Variants in GRAMD1C observed in about 807,000 individuals in gnomAD.
GRAMD1C encodes the protein protein Aster-C.
In GRAMD1C, 89 loss-of-function variants were observed where a neutral mutation model predicts 97.8. The ratio of observed to expected loss-of-function variants is 0.91; its 90% CI spans 0.77 to 1.09. GRAMD1C has a LOEUF of 1.09. GRAMD1C is among the 50% of genes least tolerant of loss of function. The probability of loss-of-function intolerance (pLI) is 0.00; values close to 1 mark genes in which losing one functional copy is unlikely to be tolerated. For synonymous variants in GRAMD1C, 256 were observed against 267.0 expected, an observed-to-expected ratio of 0.96 and a Z score of 0.40; for missense variants, 740 against 766.4, an observed-to-expected ratio of 0.97 and a Z score of 0.41.
At chr3:113,833,884 G>T (rs1030980512), upstream of GRAMD1C, among the ~76,000 whole-genome samples, 2 of 152,058 alleles carry the variant, frequency 1.3e-5, no homozygotes, top group Admixed American at 1.3e-4. Context: ...TCCCCACTCT[G>T]CCATTTTCGT....
At chr3:113,903,781 A>G (rs1007954212) in intron 7 of GRAMD1C, among the ~76,000 whole-genome samples, 2 of 151,712 alleles carry the variant, frequency 1.3e-5, no homozygotes, top group African/African-American at 4.8e-5. Flanking sequence ...GCGATCTAGT[A>G]TCTAACTCAA....
chr3:113,898,145 C>T (rs999867539), intron 6 of GRAMD1C, among the ~76,000 whole-genome samples: 1 of 152,024 alleles, frequency 6.6e-6, no homozygotes, highest in Non-Finnish European at 1.5e-5. Flanking sequence ...GTATTTAATA[C>T]AATATTCAAA....
chr3:113,861,935 A>C (rs139543989), intron 2 of GRAMD1C, among the ~76,000 whole-genome samples: 1 of 152,170 alleles, frequency 6.6e-6, no homozygotes, highest in Non-Finnish European at 1.5e-5. Context: ...ATCACATGTC[A>C]GCAGGTTCTG....
At chr3:113,873,665 C>T (rs891605330) in intron 3 of GRAMD1C, among the ~76,000 whole-genome samples, 1 of 152,014 alleles carries the variant, frequency 6.6e-6, no homozygotes, top group Non-Finnish European at 1.5e-5. Flanking sequence ...ATTACAGGTG[C>T]CCGCCACCAT....
chr3:113,841,754 A>G (rs1340747111), intron 1 of GRAMD1C, among the ~76,000 whole-genome samples: 1 of 152,022 alleles, frequency 6.6e-6, no homozygotes, highest in African/African-American at 2.4e-5. Flanking sequence ...CTGAAGCACA[A>G]TGGTGCAATC....
intron 6 of GRAMD1C, among the ~76,000 whole-genome samples, chr3:113,889,209 CGT>C (rs1935624943): frequency 7.3e-6 from 1 of 136,964 alleles, no homozygotes. Context: ...TAAAAAAAAA[CGT>C]ATATCCACAC....
At chr3:113,901,170 T>C (rs1936156428) in intron 7 of GRAMD1C, 24 bp downstream of exon 7, 7 of 1,084,834 alleles carry the variant, frequency 6.5e-6, no homozygotes, top group Non-Finnish European at 9.9e-6. Flanking sequence ...TTTTGAAATG[T>C]CAAAATTTAT....
rs138762269 is a variant in GRAMD1C, at chr3:113,910,994, A to G, written c.952+1874A>G. On this transcript the variant is annotated intron_variant, in intron 9 of 17. Coordinates refer to ENST00000358160, the MANE Select transcript of GRAMD1C (RefSeq NM_017577.5). ...CTTAAGCAACAGAAATTTATTTCAT[A>G]TAATTCTGGAGGATAGAAACCCCAG... 1.1e-3 allele frequency among the ~76,000 whole-genome samples: 164 copies of G among 152,326 alleles called. 1 individual carries two copies. The highest frequency in any genetic ancestry group is 3.8e-3 in the African/African-American group (159 of 41,564).
At chr3:113,930,176 A>G (rs1937358010) in intron 10 of GRAMD1C, among the ~76,000 whole-genome samples, 1 of 152,226 alleles carries the variant, frequency 6.6e-6, no homozygotes, top group African/African-American at 2.4e-5. Context: ...GACAGATTAT[A>G]TAATCATTTA....
chr3:113,877,142 T>C (rs990331026), intron 5 of GRAMD1C, among the ~76,000 whole-genome samples: 7 of 152,160 alleles, frequency 4.6e-5, no homozygotes. Flanking sequence ...CCACTGAGCC[T>C]GGCTATTTTT....
At chr3:113,837,755 C>CAAAG (rs1709661769), upstream of GRAMD1C, among the ~76,000 whole-genome samples, 4 of 130,296 alleles carry the variant, frequency 3.1e-5, no homozygotes, top group South Asian at 7.5e-4. Flanking sequence ...AACAAACAAA[C>CAAAG]AAAGTAGTTA....
intron 6 of GRAMD1C, among the ~76,000 whole-genome samples, chr3:113,884,707 C>T (rs956463697): frequency 1.3e-4 from 19 of 151,896 alleles, no homozygotes; most frequent in Admixed American, 9.2e-4. Context: ...GGCGTGGTGG[C>T]GGGCACCTGT....
chr3:113,914,014 CAA>C (rs879736937), intron 9 of GRAMD1C, among the ~76,000 whole-genome samples: 4 of 152,032 alleles, frequency 2.6e-5, no homozygotes, highest in Non-Finnish European at 5.9e-5. Flanking sequence ...AGAAAGATAA[CAA>C]GTCAATAAAT....
chr3:113,839,127 G>C (rs1039266925), intron 1 of GRAMD1C, among the ~76,000 whole-genome samples, 191 bp downstream of exon 1: 1 of 152,150 alleles, frequency 6.6e-6, no homozygotes, highest in Admixed American at 6.5e-5. Context: ...CTTTCCCTAC[G>C]GGCGGTGGTG....
rs1238224914 is a variant in GRAMD1C at position 113,932,370 on chromosome 3, A to G, written c.1210-1141A>G. Among the ~76,000 whole-genome samples the G allele has an allele frequency of 2.0e-5, 3 of 152,026 alleles. No individual in the cohort carries two copies. The East Asian group carries it at 5.8e-4, about 29-fold the overall frequency. On this transcript the variant is annotated intron_variant, in intron 11 of 17. Transcript: ENST00000358160. ...TTTGAAAACTTTGGAAGCCCCCCCA[A>G]CCCCCTTACAGGATAGGTAGAAAAG...
In GRAMD1C at chr3:113,915,744, C is replaced by A. The variant is rs765710220; in HGVS notation, c.996C>A (p.Asn332Lys). The A allele has an allele frequency of 1.2e-6, 2 of 1,609,276 alleles. No homozygotes were observed. Among genetic ancestry groups the A allele is most frequent in the Non-Finnish European group, 1.7e-6 (2 of 1,176,094 alleles). ...EKDLHGRLFI[N>K]RIFHISADRM... is the part of the protein sequence containing the mutation. ...ATCTTCATGGAAGACTTTTTATCAA[C>A]CGTATTTTTCATATCAGTGCTGACA... Residue 332 changes from asparagine to lysine, a missense_variant, in exon 10 of 18, where the codon AAC becomes AAA. Coordinates refer to ENST00000358160, the MANE Select transcript of GRAMD1C (RefSeq NM_017577.5).
intron 6 of GRAMD1C, among the ~76,000 whole-genome samples, chr3:113,883,312 C>T (rs963744260): frequency 3.3e-5 from 5 of 151,926 alleles, no homozygotes; most frequent in African/African-American, 1.2e-4. Context: ...ATTGCTTGAG[C>T]CCAAGAGTTT....
At chr3:113,916,440 A>C (rs139179323) in intron 10 of GRAMD1C, among the ~76,000 whole-genome samples, 1 of 152,374 alleles carries the variant, frequency 6.6e-6, no homozygotes, top group Non-Finnish European at 1.5e-5. Flanking sequence ...CAAAGTACTG[A>C]TACTTGTAAC....
intron 1 of GRAMD1C, among the ~76,000 whole-genome samples, 200 bp from the exon 2 acceptor site, chr3:113,844,303 T>G (rs1933509899): frequency 6.6e-6 from 1 of 151,740 alleles, no homozygotes; most frequent in Non-Finnish European, 1.5e-5. Context: ...CTAAAGAAAA[T>G]AAAATAAGAA....
Sources: gnomAD v4.1 joint callset for allele counts (sites outside exome capture counted in the v4.1 genomes callset) on GRCh38, gnomAD v4.1.1 for gene constraint, MANE v1.5 for transcripts, NCBI Gene and HGNC (gene_info 2026-07-23, HGNC 2026-07-21) for gene names.